The following E2F3 variants were observed in gnomAD, a reference collection of about 807,000 sequenced individuals.
E2F3 encodes the protein E2F transcription factor 3, also known as transcription factor E2F3.
Under a neutral mutation model 44.4 loss-of-function variants are expected in E2F3, and 11 were observed. That is an observed-to-expected ratio of 0.25 (90% confidence interval 0.16 to 0.41). E2F3 has a LOEUF of 0.41. Ranked by LOEUF, E2F3 falls within the 10% of genes least tolerant of loss-of-function variation. The pLI, the probability that E2F3 is intolerant of heterozygous loss-of-function variation, is 1.00. For missense variants in E2F3, 487 were observed against 583.6 expected, an observed-to-expected ratio of 0.83 and a Z score of 1.70; for synonymous variants, 249 against 253.0, an observed-to-expected ratio of 0.98 and a Z score of 0.15.
chr6:20,453,403 TTTTTTG>T lies in E2F3; in HGVS notation c.394-26420_394-26415del, dbSNP rs539685002. ...ATATTCTGTTAAGTATGGATTCAAGTTTTTTGTTTTTGTTTTTGTTTTTGTTTTGGA... is the reference window on the plus strand; with the variant it reads ...ATATTCTGTTAAGTATGGATTCAAGTTTTTTGTTTTTGTTTTTGTTTTGGA... On this transcript the variant is annotated intron_variant, in intron 1 of 6. Coordinates refer to ENST00000346618, the MANE Select transcript of E2F3 (RefSeq NM_001949.5). Among the ~76,000 whole-genome samples the T allele has an allele frequency of 1.6e-4, 24 of 151,962 alleles. No homozygotes were observed. In the South Asian group the frequency reaches 2.1e-3, roughly 13 times the overall value.
intron 1 of E2F3, among the ~76,000 whole-genome samples, chr6:20,470,666 TATC>T (rs1342623679): frequency 6.6e-6 from 1 of 152,236 alleles, no homozygotes; most frequent in Non-Finnish European, 1.5e-5. Context: ...AGACAAAAGG[TATC>T]ATCTATCAAG....
At position 20,402,711 on chromosome 6, in the gene E2F3, C is replaced by CG; in HGVS notation, c.393+90dup. ...GGTCGTGGGCGCGCTGCGGGCCGCT[C>CG]GGGGAGAGCACTGGGCCGAGCATCG... On this transcript the variant is annotated intron_variant, in intron 1 of 6. Coordinates refer to ENST00000346618, the MANE Select transcript of E2F3 (RefSeq NM_001949.5). This position sits in a 1 kb window ranked among gnomAD's most constrained non-coding sequence, Gnocchi z 5.6. 2 of 1,271,802 alleles carry CG rather than the reference C, an allele frequency of 1.6e-6. No individual in the cohort carries two copies. Among genetic ancestry groups the CG allele is most frequent in the Non-Finnish European group, 2.0e-6 (2 of 1,012,402 alleles). The allele number at this position is 1,271,802 out of a possible 1,614,324, so 78.8% of individuals were successfully genotyped here. A position where few individuals can be genotyped will look rare whatever the true frequency, so the allele number is the denominator to read the frequency against.
chr6:20,432,155 G>A (rs536876727), intron 1 of E2F3, among the ~76,000 whole-genome samples: 5 of 152,386 alleles, frequency 3.3e-5, no homozygotes, highest in African/African-American at 9.6e-5. Context: ...TTAGCCCAAG[G>A]CACCTGTGAA....
Position 20,402,603 on chromosome 6 carries a change from G to A in E2F3, c.371G>A (p.Ser124Asn). Residue 124 changes from serine (S) to asparagine (N), a missense_variant, in exon 1 of 7, where the codon AGC becomes AAC. By Grantham distance (46) the Ser-to-Asn change is conservative (BLOSUM62 1). Transcript: ENST00000346618. This position sits in a 1 kb window ranked among gnomAD's most constrained non-coding sequence, Gnocchi z 5.6. ...CCACCAGCGCTGGGACGCGGCGGCA[G>A]CGGCGGCGGCGGCGGCCCTCCGGTA... ...QQPPALGRGG[S>N]GGGGGPPAKR... 7.6e-7 allele frequency: 1 copy of A among 1,316,916 alleles called. No individual in the cohort carries two copies. The highest frequency in any genetic ancestry group is 9.6e-7 in the Non-Finnish European group (1 of 1,039,492). 81.6% of individuals were successfully genotyped at this position (1,316,916 alleles called of 1,614,324 possible). A position where few individuals can be genotyped will look rare whatever the true frequency, so the allele number is the denominator to read the frequency against.
At chr6:20,427,459 G>A (rs1760253475) in intron 1 of E2F3, among the ~76,000 whole-genome samples, 1 of 152,154 alleles carries the variant, frequency 6.6e-6, no homozygotes. Context: ...AGTGTAGTCA[G>A]GCACCAGGGA....
At chr6:20,480,468 G>A (rs1403567716) in intron 2 of E2F3, among the ~76,000 whole-genome samples, 5 of 152,140 alleles carry the variant, frequency 3.3e-5, no homozygotes, top group African/African-American at 7.2e-5. Flanking sequence ...TAGCCAACTA[G>A]TCCCATTATG....
At chr6:20,429,854 T>C (rs1301651368) in intron 1 of E2F3, among the ~76,000 whole-genome samples, 2 of 152,090 alleles carry the variant, frequency 1.3e-5, no homozygotes, top group African/African-American at 4.8e-5. Context: ...TAGATGGTTT[T>C]TTTGTTCTTA....
At chr6:20,465,679 T>A (rs183189919) in intron 1 of E2F3, among the ~76,000 whole-genome samples, 445 of 152,320 alleles carry the variant, frequency 2.9e-3, no homozygotes, top group Non-Finnish European at 4.8e-3. Flanking sequence ...AGCTCCCACC[T>A]ATGAGTGAGA....
intron 1 of E2F3, among the ~76,000 whole-genome samples, chr6:20,462,219 C>T (rs191833432): frequency 3.9e-5 from 6 of 152,278 alleles, no homozygotes; most frequent in East Asian, 3.9e-4. Context: ...GCTGCCCTCC[C>T]GTGCAGTCTC....
chr6:20,463,364 C>T (rs1473181727), intron 1 of E2F3, among the ~76,000 whole-genome samples: 2 of 152,164 alleles, frequency 1.3e-5, no homozygotes, highest in Non-Finnish European at 1.5e-5. Context: ...GCCTGGGCAA[C>T]ATAGTGAAGT....
intron 1 of E2F3, among the ~76,000 whole-genome samples, chr6:20,453,321 T>G (rs182370245): frequency 6.6e-6 from 1 of 152,246 alleles, no homozygotes; most frequent in Admixed American, 6.5e-5. Flanking sequence ...CTTGCAGAAT[T>G]TCTATGCTAT....
chr6:20,481,925 T>G (rs939865051), intron 3 of E2F3, among the ~76,000 whole-genome samples: 45 of 152,322 alleles, frequency 3.0e-4, no homozygotes, highest in African/African-American at 1.0e-3. Context: ...AAGACTTAAA[T>G]GCCTCCATTT....
intron 5 of E2F3, among the ~76,000 whole-genome samples, 161 bp from the exon 6 acceptor site, chr6:20,487,952 C>T (rs1282423083): frequency 6.6e-6 from 1 of 152,176 alleles, no homozygotes; most frequent in South Asian, 2.1e-4. Context: ...TTTGCTGACC[C>T]CTGCTCTAGA....
intron 1 of E2F3, among the ~76,000 whole-genome samples, chr6:20,457,483 A>C (rs1336082497): frequency 2.0e-5 from 3 of 151,050 alleles, no homozygotes; most frequent in Non-Finnish European, 4.4e-5. Context: ...CACTGCACCT[A>C]GCCCGTTCTC....
At chr6:20,407,499 A>G (rs1759530664) in intron 1 of E2F3, among the ~76,000 whole-genome samples, 1 of 152,240 alleles carries the variant, frequency 6.6e-6, no homozygotes, top group African/African-American at 2.4e-5. Context: ...GAAAACAGAA[A>G]ATAATACTCT....
At chr6:20,403,759 G>T in intron 1 of E2F3, 2 of 1,478,718 alleles carry the variant, frequency 1.4e-6, no homozygotes, top group Non-Finnish European at 1.8e-6. Flanking sequence ...TCGGCCCTCC[G>T]GGCCCCCTCT....
chr6:20,406,869 A>G (rs1244636738), intron 1 of E2F3, among the ~76,000 whole-genome samples: 1 of 152,250 alleles, frequency 6.6e-6, no homozygotes, highest in East Asian at 1.9e-4. Flanking sequence ...AGAACTCCAG[A>G]GAAACCATAG....
At chr6:20,480,371 T>A (rs1205426344) in intron 2 of E2F3, among the ~76,000 whole-genome samples, 14 of 152,224 alleles carry the variant, frequency 9.2e-5, no homozygotes, top group Non-Finnish European at 1.9e-4. Context: ...TAAGAATTGA[T>A]TGAGCCCGAT....
chr6:20,483,571 C>T (rs965168550), intron 4 of E2F3, among the ~76,000 whole-genome samples: 2 of 152,166 alleles, frequency 1.3e-5, no homozygotes, highest in Non-Finnish European at 2.9e-5. Flanking sequence ...CATTAGTCCT[C>T]GCAAATAAAA....
Sources: gnomAD v4.1 joint callset for allele counts (sites outside exome capture counted in the v4.1 genomes callset) on GRCh38, gnomAD v4.1.1 for gene constraint, Gnocchi (gnomAD v3.1) non-coding constraint, MANE v1.5 for transcripts, NCBI Gene and HGNC (gene_info 2026-07-23, HGNC 2026-07-21) for gene names.